Variants in ZBTB20 observed in about 807,000 individuals in gnomAD.
The protein encoded by ZBTB20 is zinc finger and BTB domain containing 20, also known as zinc finger and BTB domain-containing protein 20.
A neutral mutation model predicts 56.9 loss-of-function variants in ZBTB20; 9 were observed. The observed-to-expected ratio is 0.16, with a 90% CI of 0.10 to 0.28. The LOEUF (loss-of-function observed/expected upper bound fraction) is 0.28. Ranked by LOEUF, ZBTB20 falls within the 10% of genes least tolerant of loss-of-function variation. The probability of loss-of-function intolerance (pLI) is 1.00; values close to 1 mark genes in which losing one functional copy is unlikely to be tolerated. For synonymous variants in ZBTB20, 417 were observed against 420.7 expected, an observed-to-expected ratio of 0.99 and a Z score of 0.11; for missense variants, 655 against 1,003.0, an observed-to-expected ratio of 0.65 and a Z score of 4.69.
At chr3:115,030,415 TACTCC>T (rs2080619491) in intron 2 of ZBTB20, among the ~76,000 whole-genome samples, 1 of 151,268 alleles carries the variant, frequency 6.6e-6, no homozygotes, top group Non-Finnish European at 1.5e-5. Flanking sequence ...TTACATGTAT[TACTCC>T]ACCCCTATGA....
chr3:114,545,738 C>T (rs2049799878), intron 6 of ZBTB20, among the ~76,000 whole-genome samples: 1 of 152,122 alleles, frequency 6.6e-6, no homozygotes, highest in Admixed American at 6.6e-5. Flanking sequence ...AAAGTAATGG[C>T]CTCTTCAAAT....
intron 6 of ZBTB20, among the ~76,000 whole-genome samples, chr3:114,653,945 TATG>T (rs200368972): frequency 0.018 from 2,691 of 152,048 alleles, 186 homozygotes; most frequent in Admixed American, 0.13. Context: ...TTAATATTGT[TATG>T]ATATGTAATG....
chr3:115,047,947 G>A (rs554205384), intron 2 of ZBTB20, among the ~76,000 whole-genome samples: 17 of 152,096 alleles, frequency 1.1e-4, no homozygotes, highest in African/African-American at 3.9e-4. Context: ...CTGGCCGGGC[G>A]CGGTGGCTCA....
chr3:114,752,221 A>G (rs1468647084), intron 5 of ZBTB20, among the ~76,000 whole-genome samples: 1 of 145,668 alleles, frequency 6.9e-6, no homozygotes, highest in Non-Finnish European at 1.5e-5. Context: ...GGTACAAGTC[A>G]GGATTGGAAC....
At chr3:114,476,584 G>A (rs1021257249) in intron 7 of ZBTB20, among the ~76,000 whole-genome samples, 1 of 152,200 alleles carries the variant, frequency 6.6e-6, no homozygotes, top group East Asian at 1.9e-4. Flanking sequence ...GAGCACAAAA[G>A]CCAGAGAGCA....
chr3:114,708,738 T>G (rs773776894), intron 5 of ZBTB20, among the ~76,000 whole-genome samples: 1 of 152,164 alleles, frequency 6.6e-6, no homozygotes, highest in Non-Finnish European at 1.5e-5. Flanking sequence ...AAGTAAATAT[T>G]GCTAAGTTAA....
intron 2 of ZBTB20, among the ~76,000 whole-genome samples, chr3:115,006,376 T>C (rs2079470685): frequency 6.6e-6 from 1 of 151,654 alleles, no homozygotes. Flanking sequence ...GAATAAATAT[T>C]TGCTGGATGA....
At chr3:114,476,650 A>G (rs1302462320) in intron 7 of ZBTB20, among the ~76,000 whole-genome samples, 1 of 152,134 alleles carries the variant, frequency 6.6e-6, no homozygotes, top group Non-Finnish European at 1.5e-5. Context: ...ACTAATGCAC[A>G]CACTCCTGCA....
intron 6 of ZBTB20, among the ~76,000 whole-genome samples, chr3:114,553,762 T>G (rs570749187): frequency 2.0e-5 from 3 of 152,170 alleles, no homozygotes; most frequent in Admixed American, 2.0e-4. Flanking sequence ...AGAATTAATA[T>G]AGTGTTCAAG....
intron 6 of ZBTB20, among the ~76,000 whole-genome samples, chr3:114,515,175 C>G (rs2045847235): frequency 6.6e-6 from 1 of 152,208 alleles, no homozygotes; most frequent in African/African-American, 2.4e-5. Context: ...TACGGGGACA[C>G]ATATGGCTCC....
Position 115,028,365 on chromosome 3 carries a change from T to C in ZBTB20, c.-507+42854A>G, listed in dbSNP as rs1315043731. On this transcript the variant is annotated intron_variant, in intron 2 of 11. Coordinates refer to ENST00000675478, the MANE Select transcript of ZBTB20 (RefSeq NM_001348800.3). ...TAGGACTGGATGCAAGTGTAAAGCA[T>C]CAGATTTATAGAACTTACTATAAAA... Among the ~76,000 whole-genome samples, 25 of 150,840 alleles carry C rather than the reference T, an allele frequency of 1.7e-4. No homozygotes were observed. The Admixed American group carries it at 1.7e-3, about 10-fold the overall frequency.
chr3:114,660,743 T>A (rs1358573326), intron 6 of ZBTB20, among the ~76,000 whole-genome samples: 3 of 152,090 alleles, frequency 2.0e-5, no homozygotes, highest in African/African-American at 7.2e-5. Flanking sequence ...AATTAAAACC[T>A]GAATCATTTA....
chr3:114,858,720 C>T (rs1291308084), intron 4 of ZBTB20, among the ~76,000 whole-genome samples: 1 of 152,176 alleles, frequency 6.6e-6, no homozygotes, highest in Admixed American at 6.5e-5. Flanking sequence ...CATTCAGACA[C>T]ATCAGCATCT....
intron 6 of ZBTB20, among the ~76,000 whole-genome samples, chr3:114,589,758 A>G (rs2055552671): frequency 6.6e-6 from 1 of 152,208 alleles, no homozygotes; most frequent in Non-Finnish European, 1.5e-5. Context: ...CAACAGAAAC[A>G]TATTTTTACC....
intron 10 of ZBTB20, among the ~76,000 whole-genome samples, chr3:114,354,608 G>A (rs2081041541): frequency 8.4e-6 from 1 of 119,488 alleles, no homozygotes; most frequent in African/African-American, 3.1e-5. Flanking sequence ...TTTTGACAGA[G>A]TCTTGCTCTG....
At chr3:114,748,374 CTCTCTT>C (rs1182295168) in intron 5 of ZBTB20, among the ~76,000 whole-genome samples, 7 of 146,288 alleles carry the variant, frequency 4.8e-5, no homozygotes, top group African/African-American at 1.8e-4. Flanking sequence ...CTCTCTCTCT[CTCTCTT>C]TCTTTCTTTT....
chr3:115,123,401 T>C (rs1216155301), intron 1 of ZBTB20, among the ~76,000 whole-genome samples: 1 of 152,182 alleles, frequency 6.6e-6, no homozygotes, highest in Non-Finnish European at 1.5e-5. Context: ...ATAATTTATT[T>C]TAGAAATCAA....
At chr3:114,417,736 G>C (rs530621886) in intron 7 of ZBTB20, among the ~76,000 whole-genome samples, 2 of 152,098 alleles carry the variant, frequency 1.3e-5, no homozygotes, top group African/African-American at 4.8e-5. Flanking sequence ...ATCTTGCTCT[G>C]TCTTTAATGT....
chr3:114,342,892 A>C (rs887164550), intron 11 of ZBTB20, among the ~76,000 whole-genome samples: 1 of 152,308 alleles, frequency 6.6e-6, no homozygotes, highest in Non-Finnish European at 1.5e-5. Flanking sequence ...AATGGCAAGA[A>C]GTGGTATATG....
Sources: gnomAD v4.1 joint callset for allele counts (sites outside exome capture counted in the v4.1 genomes callset) on GRCh38, gnomAD v4.1.1 for gene constraint, MANE v1.5 for transcripts, NCBI Gene and HGNC (gene_info 2026-07-23, HGNC 2026-07-21) for gene names.